DPH6: variants seen among roughly 807,000 people sequenced by gnomAD.
DPH6 encodes diphthine--ammonia ligase.
Under a neutral mutation model 38.2 loss-of-function variants are expected in DPH6, and 33 were observed. The ratio of observed to expected loss-of-function variants is 0.86; its 90% confidence interval spans 0.65 to 1.15. The LOEUF (loss-of-function observed/expected upper bound fraction) is 1.15. Among genes scored for constraint, DPH6 ranks in the 50% most tolerant of loss-of-function variants. The pLI, the probability that DPH6 is intolerant of heterozygous loss-of-function variation, is 0.00. For synonymous variants in DPH6, 108 were observed against 103.0 expected, an observed-to-expected ratio of 1.05 and a Z score of -0.30; for missense variants, 325 against 320.0, an observed-to-expected ratio of 1.02 and a Z score of -0.12.
chr15:35,394,994 G>C (rs1194156593), intron 6 of DPH6, among the ~76,000 whole-genome samples: 1 of 131,980 alleles, frequency 7.6e-6, no homozygotes, highest in Non-Finnish European at 1.6e-5. Context: ...CATGTCAATT[G>C]TGCTCCATCT....
chr15:35,317,611 G>GAAAAAAAA (rs2052204324), intron 3 of DPH6, among the ~76,000 whole-genome samples: 2 of 130,398 alleles, frequency 1.5e-5, no homozygotes, highest in African/African-American at 7.2e-5. Context: ...AAGAAAAAAA[G>GAAAAAAAA]AAGATTCCAA....
At chr15:35,380,183 C>A (rs572630896) in intron 7 of DPH6, among the ~76,000 whole-genome samples, 3 of 152,322 alleles carry the variant, frequency 2.0e-5, no homozygotes, top group African/African-American at 7.2e-5. Flanking sequence ...AGAACTCCTA[C>A]AGAGCAGGGC....
At chr15:35,271,780 A>G (rs1016697956) in intron 3 of DPH6, among the ~76,000 whole-genome samples, 2 of 152,188 alleles carry the variant, frequency 1.3e-5, no homozygotes, top group Admixed American at 1.3e-4. Flanking sequence ...AGAGAAAGCT[A>G]CGCTGCGAGG....
chr15:35,524,210 C>T (rs1051045786), intron 3 of DPH6, among the ~76,000 whole-genome samples: 3 of 151,732 alleles, frequency 2.0e-5, no homozygotes, highest in Non-Finnish European at 4.4e-5. Context: ...TCAAAAGAAA[C>T]AAAATTACTC....
chr15:35,304,100 G>T (rs913020418), intron 3 of DPH6, among the ~76,000 whole-genome samples: 2 of 152,028 alleles, frequency 1.3e-5, no homozygotes, highest in Admixed American at 1.3e-4. Context: ...ATACACTGAT[G>T]TGGTTAATTT....
intron 3 of DPH6, among the ~76,000 whole-genome samples, chr15:35,261,832 T>TAAA (rs34849713): frequency 1.0e-4 from 15 of 146,972 alleles, no homozygotes; most frequent in Admixed American, 5.4e-4. Flanking sequence ...GACCCTCTCT[T>TAAA]AAAAAAAAAA....
intron 3 of DPH6, among the ~76,000 whole-genome samples, chr15:35,505,684 A>G (rs1287381547): frequency 6.6e-6 from 1 of 152,060 alleles, no homozygotes; most frequent in Non-Finnish European, 1.5e-5. Flanking sequence ...TAATACGTGT[A>G]ATGAAAAATT....
chr15:35,289,225 A>T (rs1355431381), intron 3 of DPH6, among the ~76,000 whole-genome samples: 2 of 152,212 alleles, frequency 1.3e-5, no homozygotes, highest in African/African-American at 2.4e-5. Context: ...AGGTGGCAGT[A>T]TTACTACATG....
intron 3 of DPH6, among the ~76,000 whole-genome samples, chr15:35,315,038 A>G (rs2140833564): frequency 6.6e-6 from 1 of 152,318 alleles, no homozygotes; most frequent in Admixed American, 6.5e-5. Context: ...TCTGAGACGT[A>G]TGCTCAGCAA....
the DPH6 span, among the ~76,000 whole-genome samples, chr15:35,166,566 C>T: frequency 1.3e-5 from 2 of 151,896 alleles, no homozygotes; most frequent in African/African-American, 4.8e-5. Flanking sequence ...GATTTTCCAG[C>T]TCAAAAACAT....
At chr15:35,422,587 GATCT>G (rs2053519566) in intron 5 of DPH6, among the ~76,000 whole-genome samples, 1 of 151,830 alleles carries the variant, frequency 6.6e-6, no homozygotes, top group Admixed American at 6.6e-5. Flanking sequence ...GAACACTTAA[GATCT>G]ATCCTCTTAG....
Position 35,373,517 on chromosome 15 carries a change from T to C in DPH6, c.750+4A>G. 1 of 1,598,614 alleles carries C rather than the reference T, an allele frequency of 6.3e-7. No individual in the cohort carries two copies. Among genetic ancestry groups the C allele is most frequent in the Non-Finnish European group, 8.5e-7 (1 of 1,173,198 alleles). ...AAATCACTGTGAATCTTAGATTTAC[T>C]TGCCTTGTCCTCCAAGTGCAATTCT... On this transcript the variant is annotated splice_donor_region_variant and intron_variant, in intron 8 of 8. Coordinates refer to ENST00000256538, the MANE Select transcript of DPH6 (RefSeq NM_080650.4).
At chr15:35,291,191 A>G (rs999885677) in intron 3 of DPH6, among the ~76,000 whole-genome samples, 5 of 152,126 alleles carry the variant, frequency 3.3e-5, no homozygotes, top group Non-Finnish European at 7.4e-5. Context: ...TTAGTAATCC[A>G]GGTAAATTAC....
At chr15:35,378,345 G>A (rs1254700602) in intron 7 of DPH6, among the ~76,000 whole-genome samples, 5 of 152,214 alleles carry the variant, frequency 3.3e-5, no homozygotes, top group Non-Finnish European at 7.3e-5. Context: ...TGGAGAGGAT[G>A]TGGAGAAACA....
At chr15:35,298,486 C>T (rs1158681307) in intron 3 of DPH6, 15 of 773,076 alleles carry the variant, frequency 1.9e-5, no homozygotes, top group Middle Eastern at 2.9e-4. Flanking sequence ...TTTTAACTTC[C>T]AAGTCTTCAT....
chr15:35,351,516 T>A (rs989828027), intron 3 of DPH6, among the ~76,000 whole-genome samples: 1 of 152,150 alleles, frequency 6.6e-6, no homozygotes, highest in African/African-American at 2.4e-5. Flanking sequence ...ATTTGATGAT[T>A]TTTCATGGTG....
intron 3 of DPH6, among the ~76,000 whole-genome samples, chr15:35,504,109 C>T (rs777776270): frequency 9.9e-5 from 15 of 152,042 alleles, no homozygotes; most frequent in Non-Finnish European, 1.9e-4. Flanking sequence ...GTACCTCCTA[C>T]ACAGTACTAC....
At chr15:35,522,388 A>T in intron 3 of DPH6, 1 of 1,086,988 alleles carries the variant, frequency 9.2e-7, no homozygotes, top group Non-Finnish European at 1.3e-6. Flanking sequence ...GTCTCTGCTT[A>T]TTCAGTATTA....
At chr15:35,421,886 G>A (rs989524983) in intron 5 of DPH6, among the ~76,000 whole-genome samples, 5 of 151,994 alleles carry the variant, frequency 3.3e-5, no homozygotes, top group African/African-American at 1.2e-4. Context: ...AAGACTGAAG[G>A]TAAGAAGGCA....
Sources: gnomAD v4.1 joint callset for allele counts (sites outside exome capture counted in the v4.1 genomes callset) on GRCh38, gnomAD v4.1.1 for gene constraint, MANE v1.5 for transcripts, NCBI Gene and HGNC (gene_info 2026-07-23, HGNC 2026-07-21) for gene names.